Variants in CIROZ observed in about 807,000 individuals in gnomAD.
CIROZ encodes ciliated left-right organizer protein containing ZP-N domains, also known as ciliated left-right organizer ZP-N domains-containing protein.
chr1:10,952,443 C>T, the CIROZ span, among the ~76,000 whole-genome samples: 3 of 152,116 alleles, frequency 2.0e-5, no homozygotes, highest in East Asian at 1.9e-4. Context: ...CTCATCAAAA[C>T]CTAGGATAAA....
chr1:10,979,296 A>G, the CIROZ span, among the ~76,000 whole-genome samples: 1,720 of 152,256 alleles, frequency 0.011, 44 homozygotes, highest in African/African-American at 0.039. Flanking sequence ...ACCCAGGGCA[A>G]GGATCTCACA....
chr1:10,966,519 T>C, the CIROZ span: 1 of 1,492,840 alleles, frequency 6.7e-7, no homozygotes, highest in South Asian at 1.3e-5. Context: ...GGGTTGAGCC[T>C]GTGGAGGTGG....
chr1:10,973,819 G>T, the CIROZ span, among the ~76,000 whole-genome samples: 1 of 152,136 alleles, frequency 6.6e-6, no homozygotes. Flanking sequence ...TGCAGCTGTG[G>T]ATCGGAGCCT....
chr1:10,973,287 C>T, the CIROZ span, among the ~76,000 whole-genome samples: 6 of 152,270 alleles, frequency 3.9e-5, no homozygotes, highest in African/African-American at 7.2e-5. Context: ...GCAGGAGCAT[C>T]GCTTGAACCT....
chr1:10,972,463 A>ACACACG, the CIROZ span, among the ~76,000 whole-genome samples: 1 of 149,774 alleles, frequency 6.7e-6, no homozygotes, highest in African/African-American at 2.5e-5. Context: ...ACACACACAC[A>ACACACG]CACTCTAGAA....
the CIROZ span, chr1:10,981,913 G>T: frequency 6.9e-7 from 1 of 1,445,498 alleles, no homozygotes; most frequent in East Asian, 2.5e-5. Context: ...TAGATGCAAG[G>T]CTTCTGATTC....
At chr1:10,976,709 A>T in the CIROZ span, among the ~76,000 whole-genome samples, 1 of 151,990 alleles carries the variant, frequency 6.6e-6, no homozygotes, top group African/African-American at 2.4e-5. Context: ...CGAAAAAAAA[A>T]AAAAAACCCA....
At chr1:10,962,217 A>C in the CIROZ span, among the ~76,000 whole-genome samples, 2 of 152,082 alleles carry the variant, frequency 1.3e-5, no homozygotes, top group Non-Finnish European at 1.5e-5. Flanking sequence ...AGGCCGAGGC[A>C]GGCGGATCAC....
the CIROZ span, chr1:10,966,324 T>TA: frequency 0.12 from 109,440 of 932,540 alleles, 3 homozygotes; most frequent in South Asian, 0.13. Flanking sequence ...AATCTCCCTT[T>TA]AAAAAAAAAA....
the CIROZ span, chr1:10,947,766 T>A: frequency 1.3e-6 from 2 of 1,597,676 alleles, no homozygotes; most frequent in Non-Finnish European, 1.7e-6. Context: ...CAGCTCCTGC[T>A]GGAGTGAGGC....
chr1:10,953,204 T>C, the CIROZ span, among the ~76,000 whole-genome samples: 1 of 152,244 alleles, frequency 6.6e-6, no homozygotes, highest in Non-Finnish European at 1.5e-5. Flanking sequence ...CGAAACATCA[T>C]ATCCTCGTGA....
At chr1:10,975,500 A>G in the CIROZ span, among the ~76,000 whole-genome samples, 15 of 151,156 alleles carry the variant, frequency 9.9e-5, no homozygotes. Context: ...GAGGCTGGAG[A>G]ATCACTGGAA....
At chr1:10,958,613 C>G in the CIROZ span, 3 of 1,385,646 alleles carry the variant, frequency 2.2e-6, no homozygotes, top group South Asian at 3.5e-5. Flanking sequence ...CTCCGGAGGA[C>G]AAGCAAACTC....
chr1:10,949,223 C>CA, the CIROZ span: 18,950 of 146,782 alleles, frequency 0.13, 1,766 homozygotes, highest in African/African-American at 0.34. Flanking sequence ...GACCCCATCT[C>CA]AAAAAAAAAA....
the CIROZ span, among the ~76,000 whole-genome samples, chr1:10,970,843 A>C: frequency 6.6e-6 from 1 of 150,700 alleles, no homozygotes; most frequent in Admixed American, 6.6e-5. Flanking sequence ...AGGTGACTTC[A>C]TGGTACATAT....
chr1:10,968,324 C>T, the CIROZ span, among the ~76,000 whole-genome samples: 2 of 152,312 alleles, frequency 1.3e-5, no homozygotes, highest in African/African-American at 4.8e-5. Flanking sequence ...ATTTTTAAAG[C>T]TCACAGTTTC....
chr1:10,947,703 T>G, the CIROZ span: 5 of 1,539,150 alleles, frequency 3.2e-6, no homozygotes, highest in Non-Finnish European at 4.4e-6. Context: ...CACACTGTCT[T>G]GAAGCTCAGG....
the CIROZ span, among the ~76,000 whole-genome samples, chr1:10,980,415 C>T: frequency 6.6e-6 from 1 of 152,250 alleles, no homozygotes; most frequent in African/African-American, 2.4e-5. Flanking sequence ...GCTCTGCTGC[C>T]TGGACACTGA....
chr1:10,947,907 C>G, the CIROZ span: 3 of 1,613,748 alleles, frequency 1.9e-6, no homozygotes, highest in Non-Finnish European at 2.5e-6. Flanking sequence ...CTCCTCCTGG[C>G]CCACAGGCCA....
Sources: gnomAD v4.1 joint callset for allele counts (sites outside exome capture counted in the v4.1 genomes callset) on GRCh38, gnomAD v4.1.1 for gene constraint, MANE v1.5 for transcripts, NCBI Gene and HGNC (gene_info 2026-07-23, HGNC 2026-07-21) for gene names.